The following CS variants were observed in gnomAD, a reference collection of about 807,000 sequenced individuals.
CS encodes the protein citrate synthase.
CS carries 13 observed loss-of-function variants against 61.4 expected under a neutral mutation model. The observed-to-expected ratio is 0.21, with a 90% confidence interval of 0.14 to 0.34. CS has a LOEUF of 0.34. Among genes scored for constraint, CS ranks in the 10% least tolerant of loss-of-function variants. CS has a pLI of 1.00. For synonymous variants in CS, 159 were observed against 215.2 expected (o/e 0.74, Z 2.29); for missense variants, 278 against 573.4 (o/e 0.48, Z 5.26).
At chr12:56,295,606 T>A (rs1271708054) in intron 1 of CS, among the ~76,000 whole-genome samples, 1 of 152,202 alleles carries the variant, frequency 6.6e-6, no homozygotes, top group African/African-American at 2.4e-5. Flanking sequence ...GGATCTGTCA[T>A]CATAATACTT....
At chr12:56,283,056 A>G in intron 4 of CS, 65 bp from the exon 5 acceptor site, 2 of 1,563,954 alleles carry the variant, frequency 1.3e-6, no homozygotes, top group Non-Finnish European at 8.8e-7. Context: ...GACTGGTCTT[A>G]CTCATCAGAC....
chr12:56,294,635 C>T (rs1027780009), intron 1 of CS, among the ~76,000 whole-genome samples: 4 of 151,738 alleles, frequency 2.6e-5, no homozygotes, highest in Non-Finnish European at 4.4e-5. Flanking sequence ...GGTGCGATCT[C>T]GGCTCACTGA....
Position 56,300,305 on chromosome 12 carries a change from C to T in CS, c.-104G>A, listed in dbSNP as rs1055208644. On this transcript the variant is annotated 5_prime_UTR_variant, in exon 1 of 11. Transcript: ENST00000351328. Reference sequence around the variant, plus strand: ...ACCAGAGGCCGCGCCGACGGGTTGACAAGGTTGAAAGGAGGCGGCTGAAGG... The same window carrying T: ...ACCAGAGGCCGCGCCGACGGGTTGATAAGGTTGAAAGGAGGCGGCTGAAGG... The T allele has an allele frequency of 7.7e-7, 1 of 1,294,302 alleles. No homozygotes were observed. Among genetic ancestry groups the T allele is most frequent in the African/African-American group, 1.6e-5 (1 of 64,320 alleles). 80.2% of individuals were successfully genotyped at this position (1,294,302 alleles called of 1,614,324 possible).
chr12:56,288,831 T>TC (rs1873026683), intron 1 of CS, among the ~76,000 whole-genome samples: 1 of 150,300 alleles, frequency 6.7e-6, no homozygotes, highest in African/African-American at 2.5e-5. Flanking sequence ...AAAAAAAAAA[T>TC]TTTTTTTTGT....
At chr12:56,288,429 G>A (rs539009111) in intron 1 of CS, among the ~76,000 whole-genome samples, 3 of 145,252 alleles carry the variant, frequency 2.1e-5, no homozygotes, top group South Asian at 2.1e-4. Context: ...TCTGGCTCCC[G>A]TGTTCAAGTG....
chr12:56,283,921 G>A (rs1237689915), intron 3 of CS, 64 bp from the exon 4 acceptor site: 1 of 1,230,180 alleles, frequency 8.1e-7, no homozygotes, highest in Non-Finnish European at 1.2e-6. Context: ...GAATGATTCA[G>A]ACTAGAACTT....
intron 1 of CS, among the ~76,000 whole-genome samples, chr12:56,296,846 C>T (rs1001670940): frequency 1.3e-5 from 2 of 152,144 alleles, no homozygotes; most frequent in Non-Finnish European, 2.9e-5. Context: ...AAGGAATCAC[C>T]GTTACTTTGG....
chr12:56,297,763 G>A (rs1398692033), intron 1 of CS, among the ~76,000 whole-genome samples: 1 of 152,178 alleles, frequency 6.6e-6, no homozygotes, highest in Non-Finnish European at 1.5e-5. Flanking sequence ...GAGACTCAAA[G>A]TGGTAAGAGT....
chr12:56,283,684 T>C (rs1872844027), intron 4 of CS, 108 bp downstream of exon 4: 1 of 752,602 alleles, frequency 1.3e-6, no homozygotes, highest in Non-Finnish European at 2.3e-6. Context: ...CCTTCCAATA[T>C]ATGAAGCTAG....
Position 56,284,893 on chromosome 12 carries a change from G to A in CS, c.201+1023C>T, listed in dbSNP as rs529306777. On this transcript the variant is annotated intron_variant, in intron 3 of 10. Transcript: ENST00000351328. ...CAGCCTGGTGACTCAGTGAGACTCC[G>A]TCCCAAAAAAAAAAAAAAAAACAGG... is the stretch of plus-strand genomic sequence containing the variant. Among the ~76,000 whole-genome samples, 13 of 32,784 alleles carry A rather than the reference G, an allele frequency of 4.0e-4. No individual in the cohort carries two copies. In the East Asian group the frequency reaches 0.017, roughly 42 times the overall value. 21.5% of individuals were successfully genotyped at this position (32,784 alleles called of 152,430 possible).
intron 6 of CS, 24 bp from the exon 7 acceptor site, chr12:56,276,219 AG>A: frequency 6.2e-7 from 1 of 1,606,322 alleles, no homozygotes; most frequent in East Asian, 2.2e-5. Flanking sequence ...AGCAAGATGG[AG>A]AAAAAAAAAG....
chr12:56,277,331 C>A (rs1450214018), intron 6 of CS, among the ~76,000 whole-genome samples: 13 of 151,040 alleles, frequency 8.6e-5, no homozygotes, highest in African/African-American at 1.2e-4. Context: ...AACCCCGTCT[C>A]TACTAAAAAT....
intron 1 of CS, chr12:56,291,303 C>T: frequency 2.0e-6 from 2 of 998,536 alleles, no homozygotes; most frequent in South Asian, 3.9e-5. Context: ...ATAATTCCTT[C>T]CAGCTGTGGA....
intron 6 of CS, among the ~76,000 whole-genome samples, chr12:56,278,547 G>A (rs1872687734): frequency 6.6e-6 from 1 of 151,922 alleles, no homozygotes; most frequent in Non-Finnish European, 1.5e-5. Flanking sequence ...GACCATCCTG[G>A]CCAACAAGGC....
At chr12:56,292,523 G>A (rs528541781) in intron 1 of CS, among the ~76,000 whole-genome samples, 1 of 152,006 alleles carries the variant, frequency 6.6e-6, no homozygotes, top group South Asian at 2.1e-4. Context: ...AAATGACCCT[G>A]TCTCCTTTGC....
In CS at chr12:56,300,223, G is replaced by C; in HGVS notation, c.-22C>G. On this transcript the variant is annotated 5_prime_UTR_variant, in exon 1 of 11. Transcript: ENST00000351328. Reference sequence around the variant, plus strand: ...CCATGGCGGGCGATCTCCGGGATCTGGTGGGGAGGTAAGAAAGGGAGAGAG... The same window carrying C: ...CCATGGCGGGCGATCTCCGGGATCTCGTGGGGAGGTAAGAAAGGGAGAGAG... 6.4e-7 allele frequency: 1 copy of C among 1,554,898 alleles called. No homozygotes were observed. The highest frequency in any genetic ancestry group is 8.7e-7 in the Non-Finnish European group (1 of 1,151,566).
intron 6 of CS, among the ~76,000 whole-genome samples, chr12:56,276,424 T>C (rs189272910): frequency 6.6e-6 from 1 of 152,214 alleles, no homozygotes. Context: ...TACTATCTAA[T>C]GTACACTAAA....
intron 1 of CS, chr12:56,291,126 A>G (rs1873111037): frequency 1.0e-5 from 6 of 582,892 alleles, no homozygotes; most frequent in Non-Finnish European, 1.5e-5. Flanking sequence ...AACTAAATAA[A>G]ATAATTTTCA....
rs76644727 is a variant in CS, at chr12:56,281,565, C to T, written c.588+855G>A. ...AACTTGTAAGATTTCTCAAAGTTTT[C>T]TGTATTTGAAGAAGATAGTGAGGGA... On this transcript the variant is annotated intron_variant, in intron 6 of 10. Transcript: ENST00000351328. 6.6e-3 allele frequency among the ~76,000 whole-genome samples: 1,003 copies of T among 152,318 alleles called. 17 individuals are homozygous for T. The highest frequency in any genetic ancestry group is 0.023 in the African/African-American group (975 of 41,560).
Sources: allele counts gnomAD v4.1 joint callset (sites outside exome capture counted in the v4.1 genomes callset), GRCh38; gene constraint gnomAD v4.1.1; transcripts MANE v1.5; gene names NCBI Gene and HGNC (gene_info 2026-07-23, HGNC 2026-07-21).